RBFOX1: variants seen among roughly 807,000 people sequenced by gnomAD.
The protein encoded by RBFOX1 is RNA binding fox-1 homolog 1.
Under a neutral mutation model 57.7 loss-of-function variants are expected in RBFOX1, and 8 were observed. The ratio of observed to expected loss-of-function variants is 0.14; its 90% CI spans 0.08 to 0.25. RBFOX1 has a LOEUF of 0.25. Among genes scored for constraint, RBFOX1 ranks in the 10% least tolerant of loss-of-function variants. The pLI is 1.00. For synonymous variants in RBFOX1, 326 were observed against 222.4 expected (o/e 1.47, Z -4.15); for missense variants, 611 against 548.5 (o/e 1.11, Z -1.14).
At chr16:5,325,963 C>A (rs2064557813) in intron 1 of RBFOX1, among the ~76,000 whole-genome samples, 1 of 152,124 alleles carries the variant, frequency 6.6e-6, no homozygotes, top group African/African-American at 2.4e-5. Context: ...AATGCTAGGT[C>A]CTATTGTGCT....
intron 3 of RBFOX1, among the ~76,000 whole-genome samples, chr16:7,018,693 G>C (rs896630728): frequency 6.6e-6 from 1 of 151,786 alleles, no homozygotes; most frequent in Non-Finnish European, 1.5e-5. Flanking sequence ...TAATGTAAAT[G>C]ACATGTTAAT....
chr16:7,427,455 A>C (rs1329192348), intron 4 of RBFOX1, among the ~76,000 whole-genome samples: 1 of 151,860 alleles, frequency 6.6e-6, no homozygotes, highest in East Asian at 1.9e-4. Flanking sequence ...TACCAAATGT[A>C]CCCTCCGGTG....
intron 4 of RBFOX1, among the ~76,000 whole-genome samples, chr16:5,945,989 A>C (rs1212242134): frequency 6.6e-6 from 1 of 152,238 alleles, no homozygotes; most frequent in Non-Finnish European, 1.5e-5. Flanking sequence ...AGGGAATGGA[A>C]CATCCACACC....
chr16:7,462,430 G>T (rs548551630), intron 4 of RBFOX1, among the ~76,000 whole-genome samples: 1 of 152,224 alleles, frequency 6.6e-6, no homozygotes, highest in African/African-American at 2.4e-5. Context: ...GGCAGAGATT[G>T]CAGTGAGCCA....
chr16:5,809,025 T>A (rs2055329005), intron 3 of RBFOX1, among the ~76,000 whole-genome samples: 1 of 152,188 alleles, frequency 6.6e-6, no homozygotes, highest in Admixed American at 6.5e-5. Context: ...GCTGCGTATC[T>A]ACAACTATCT....
intron 3 of RBFOX1, among the ~76,000 whole-genome samples, chr16:6,971,062 A>C (rs1278932375): frequency 6.6e-6 from 1 of 152,206 alleles, no homozygotes. Flanking sequence ...AGACATAATG[A>C]TGAAAAGGAC....
intron 1 of RBFOX1, among the ~76,000 whole-genome samples, chr16:6,147,554 C>G (rs758781237): frequency 2.0e-5 from 3 of 152,094 alleles, no homozygotes; most frequent in African/African-American, 2.4e-5. Flanking sequence ...TAGGAGCTAC[C>G]TCAAAAACAC....
At chr16:6,860,525 C>G (rs952526873) in intron 3 of RBFOX1, among the ~76,000 whole-genome samples, 1 of 152,148 alleles carries the variant, frequency 6.6e-6, no homozygotes, top group Admixed American at 6.6e-5. Context: ...ATGGGACATT[C>G]AAGATGCATG....
At chr16:6,980,586 A>T (rs1268300783) in intron 3 of RBFOX1, among the ~76,000 whole-genome samples, 1 of 152,332 alleles carries the variant, frequency 6.6e-6, no homozygotes, top group East Asian at 1.9e-4. Context: ...AAACAGCTTT[A>T]ATAAAATGGA....
chr16:7,664,715 T>C, intron 12 of RBFOX1: 1 of 745,228 alleles, frequency 1.3e-6, no homozygotes, highest in Non-Finnish European at 2.1e-6. Context: ...CACCACCACA[T>C]CCTAATTCTG....
chr16:6,173,604 C>CT (rs35528338), intron 1 of RBFOX1, among the ~76,000 whole-genome samples: 20,177 of 70,736 alleles, frequency 0.29, 4,341 homozygotes, highest in Non-Finnish European at 0.33. Flanking sequence ...TGACCACTCC[C>CT]TTTTTTTTTT....
chr16:7,471,542 A>G (rs1287661502), intron 4 of RBFOX1, among the ~76,000 whole-genome samples: 1 of 152,206 alleles, frequency 6.6e-6, no homozygotes, highest in Non-Finnish European at 1.5e-5. Flanking sequence ...ACTTCTGAAC[A>G]TCAGTAGGAC....
chr16:5,320,416 T>C (rs2064370332), intron 1 of RBFOX1, among the ~76,000 whole-genome samples: 1 of 152,224 alleles, frequency 6.6e-6, no homozygotes, highest in Non-Finnish European at 1.5e-5. Context: ...AGCGTTTTGC[T>C]GGAGTTTACA....
At chr16:6,285,535 C>G (rs1342955677) in intron 1 of RBFOX1, among the ~76,000 whole-genome samples, 1 of 152,146 alleles carries the variant, frequency 6.6e-6, no homozygotes, top group Non-Finnish European at 1.5e-5. Flanking sequence ...TGATTCCATG[C>G]ACAAGGAGAG....
At chr16:6,159,408 T>A (rs2096861593) in intron 1 of RBFOX1, among the ~76,000 whole-genome samples, 1 of 152,114 alleles carries the variant, frequency 6.6e-6, no homozygotes, top group Admixed American at 6.6e-5. Flanking sequence ...GAGAAGCTCC[T>A]TTCTTCTTAG....
intron 4 of RBFOX1, among the ~76,000 whole-genome samples, chr16:7,420,710 G>A (rs1309761440): frequency 6.6e-6 from 1 of 150,932 alleles, no homozygotes; most frequent in African/African-American, 2.4e-5. Context: ...TATAGCAGGG[G>A]TCATGTACAA....
intron 1 of RBFOX1, among the ~76,000 whole-genome samples, chr16:6,134,938 G>T (rs1468336037): frequency 6.6e-6 from 1 of 152,042 alleles, no homozygotes; most frequent in South Asian, 2.1e-4. Context: ...TTGGTGTGCT[G>T]CACCCATTAA....
intron 3 of RBFOX1, among the ~76,000 whole-genome samples, chr16:5,641,231 A>G (rs1052200450): frequency 4.6e-5 from 7 of 152,234 alleles, no homozygotes; most frequent in Non-Finnish European, 1.0e-4. Flanking sequence ...GCATGCACAT[A>G]CACACATGTA....
rs544224912 is a variant in RBFOX1 at position 7,449,807 on chromosome 16, A to AT, written c.28-68339dup. ...CTGCAGAAAACACTGCTTCTGTGACATAAAGAGAACACCTTCACAGGGTAA... is the reference window on the plus strand; with the variant it reads ...CTGCAGAAAACACTGCTTCTGTGACATTAAAGAGAACACCTTCACAGGGTAA... On this transcript the variant is annotated intron_variant, in intron 4 of 15. Transcript: ENST00000550418. Among the ~76,000 whole-genome samples the AT allele has an allele frequency of 8.6e-5, 13 of 151,494 alleles. No homozygotes were observed. The South Asian group carries it at 2.5e-3, about 29-fold the overall frequency.
Sources: gnomAD v4.1 joint callset for allele counts (sites outside exome capture counted in the v4.1 genomes callset) on GRCh38, gnomAD v4.1.1 for gene constraint, MANE v1.5 for transcripts, NCBI Gene and HGNC (gene_info 2026-07-23, HGNC 2026-07-21) for gene names.